Variants in BMAL1 observed in about 807,000 individuals in gnomAD.
BMAL1 encodes basic helix-loop-helix ARNT like 1.
chr11:13,302,892 T>C, the BMAL1 span, among the ~76,000 whole-genome samples: 1 of 152,196 alleles, frequency 6.6e-6, no homozygotes, highest in African/African-American at 2.4e-5. Flanking sequence ...AGTTTGTGCA[T>C]GTAAATATCC....
the BMAL1 span, among the ~76,000 whole-genome samples, chr11:13,340,913 C>T: frequency 3.3e-5 from 5 of 152,150 alleles, no homozygotes; most frequent in South Asian, 6.2e-4. Context: ...CAACCCAGTG[C>T]GGGGAATCCA....
chr11:13,317,979 G>T, the BMAL1 span, among the ~76,000 whole-genome samples: 3 of 152,186 alleles, frequency 2.0e-5, no homozygotes, highest in African/African-American at 4.8e-5. Flanking sequence ...GTAGATTTTT[G>T]AATCAAAATC....
the BMAL1 span, chr11:13,356,843 TTC>T: frequency 6.2e-7 from 1 of 1,612,178 alleles, no homozygotes; most frequent in Non-Finnish European, 8.5e-7. Flanking sequence ...CTGTTACACA[TTC>T]TGTTACTTGG....
the BMAL1 span, among the ~76,000 whole-genome samples, chr11:13,281,257 G>C: frequency 6.6e-6 from 1 of 152,136 alleles, no homozygotes; most frequent in South Asian, 2.1e-4. Flanking sequence ...AGTCAGACTT[G>C]TGGTGAGCCT....
the BMAL1 span, among the ~76,000 whole-genome samples, chr11:13,277,267 GGGAGAAGAAGAA>G: frequency 6.6e-6 from 1 of 152,222 alleles, no homozygotes; most frequent in Non-Finnish European, 1.5e-5. Flanking sequence ...ATGCCCGGAG[GGGAGAAGAAGAA>G]GGAGGAGGGG....
chr11:13,315,208 C>A, the BMAL1 span, among the ~76,000 whole-genome samples: 1 of 152,188 alleles, frequency 6.6e-6, no homozygotes, highest in African/African-American at 2.4e-5. Flanking sequence ...ATGCTGCCTC[C>A]CCTTGTAGGG....
At chr11:13,335,602 G>T in the BMAL1 span, among the ~76,000 whole-genome samples, 1 of 152,140 alleles carries the variant, frequency 6.6e-6, no homozygotes, top group Non-Finnish European at 1.5e-5. Context: ...CATTCTTGTG[G>T]GCAAAACCCT....
chr11:13,279,757 AT>A, the BMAL1 span, among the ~76,000 whole-genome samples: 1 of 152,196 alleles, frequency 6.6e-6, no homozygotes, highest in Non-Finnish European at 1.5e-5. Context: ...CCTGGACAGG[AT>A]TTGAAATTGC....
the BMAL1 span, among the ~76,000 whole-genome samples, chr11:13,320,428 G>T: frequency 6.6e-6 from 1 of 152,202 alleles, no homozygotes; most frequent in Admixed American, 6.5e-5. Flanking sequence ...ATAGTGGTAA[G>T]AGGCACTTGG....
chr11:13,302,832 C>T, the BMAL1 span, among the ~76,000 whole-genome samples: 2 of 152,202 alleles, frequency 1.3e-5, no homozygotes, highest in African/African-American at 4.8e-5. Context: ...AACTTTTAGG[C>T]AGCTCTTGAA....
At chr11:13,336,028 T>A in the BMAL1 span, among the ~76,000 whole-genome samples, 394 of 152,358 alleles carry the variant, frequency 2.6e-3, 1 homozygote, top group Admixed American at 3.1e-3. Flanking sequence ...CGTGCATGCA[T>A]GCACATGCTT....
the BMAL1 span, among the ~76,000 whole-genome samples, chr11:13,299,527 G>A: frequency 6.6e-6 from 1 of 152,138 alleles, no homozygotes; most frequent in Non-Finnish European, 1.5e-5. Flanking sequence ...GGGGCCATGG[G>A]GGGAAAACTG....
At chr11:13,377,071 G>T in the BMAL1 span, among the ~76,000 whole-genome samples, 1 of 152,194 alleles carries the variant, frequency 6.6e-6, no homozygotes, top group East Asian at 1.9e-4. Context: ...AACTCCTGTG[G>T]TTGGCAGGCA....
At chr11:13,340,761 C>T in the BMAL1 span, among the ~76,000 whole-genome samples, 1 of 152,200 alleles carries the variant, frequency 6.6e-6, no homozygotes, top group Non-Finnish European at 1.5e-5. Context: ...AGGATTTCAA[C>T]CTGAGTTTGC....
At chr11:13,278,193 G>A in the BMAL1 span, among the ~76,000 whole-genome samples, 3 of 152,232 alleles carry the variant, frequency 2.0e-5, no homozygotes, top group Admixed American at 2.0e-4. Flanking sequence ...GGCTAGGGCA[G>A]GCAGAGGTGC....
the BMAL1 span, among the ~76,000 whole-genome samples, chr11:13,344,529 C>T: frequency 1.3e-5 from 2 of 152,234 alleles, no homozygotes; most frequent in East Asian, 3.8e-4. Flanking sequence ...TTTCTGTCTT[C>T]GTCCCCATTG....
the BMAL1 span, among the ~76,000 whole-genome samples, chr11:13,279,635 A>G: frequency 1.5e-4 from 23 of 152,370 alleles, no homozygotes; most frequent in African/African-American, 5.5e-4. Context: ...ATTCCCAAAT[A>G]TTTTTGAAAA....
At chr11:13,297,597 GCCATGTGTCC>G in the BMAL1 span, among the ~76,000 whole-genome samples, 2 of 152,258 alleles carry the variant, frequency 1.3e-5, no homozygotes, top group East Asian at 3.9e-4. Flanking sequence ...CATTGCCCTT[GCCATGTGTCC>G]CCATGTGTCC....
chr11:13,356,682 G>T, the BMAL1 span: 1 of 1,599,444 alleles, frequency 6.3e-7, no homozygotes, highest in Non-Finnish European at 8.5e-7. Flanking sequence ...CTTATGATAA[G>T]AAGCTCTTCT....
Sources: allele counts gnomAD v4.1 joint callset (sites outside exome capture counted in the v4.1 genomes callset), GRCh38; gene constraint gnomAD v4.1.1; transcripts MANE v1.5; gene names NCBI Gene and HGNC (gene_info 2026-07-23, HGNC 2026-07-21).